CLCN5: variants seen among roughly 807,000 people sequenced by gnomAD.
CLCN5 encodes the protein Cl-/H+ antiporter 5.
Under a neutral mutation model 54.0 loss-of-function variants are expected in CLCN5, and 17 were observed. The ratio of observed to expected loss-of-function variants is 0.31; its 90% confidence interval spans 0.22 to 0.47. The LOEUF (loss-of-function observed/expected upper bound fraction) is 0.47, where lower values mean the gene tolerates loss of function less well. Among genes scored for constraint, CLCN5 ranks in the 20% least tolerant of loss-of-function variants. The pLI is 1.00. For missense variants in CLCN5, 448 were observed against 646.7 expected, an observed-to-expected ratio of 0.69 and a Z score of 3.33; for synonymous variants, 222 against 233.0, an observed-to-expected ratio of 0.95 and a Z score of 0.43.
chrX:50,058,109 T>C (rs1395268601), intron 4 of CLCN5, among the ~76,000 whole-genome samples: 3 of 111,887 alleles, frequency 2.7e-5, no homozygotes, highest in African/African-American at 9.7e-5. Context: ...AAAAATACAA[T>C]ATATCGCTGT....
chrX:49,999,392 T>C (rs1212684267), intron 3 of CLCN5, among the ~76,000 whole-genome samples: 2 of 109,451 alleles, frequency 1.8e-5, no homozygotes, highest in Non-Finnish European at 3.8e-5. Flanking sequence ...GCATGCATTA[T>C]TGGAGAGTGG....
chrX:50,079,728 C>G (rs1441906180), intron 7 of CLCN5, among the ~76,000 whole-genome samples: 1 of 111,124 alleles, frequency 9.0e-6, no homozygotes. Context: ...TATATGTGGA[C>G]TCTAAAAAAG....
intron 3 of CLCN5, among the ~76,000 whole-genome samples, chrX:50,034,600 T>C (rs1306512916): frequency 2.4e-4 from 27 of 111,425 alleles, no homozygotes; most frequent in Admixed American, 2.1e-3. Flanking sequence ...ATTTGTGGGG[T>C]CGTGTGTGTC....
At chrX:49,959,042 T>C (rs1356678606) in intron 3 of CLCN5, among the ~76,000 whole-genome samples, 2 of 111,281 alleles carry the variant, frequency 1.8e-5, no homozygotes, top group African/African-American at 6.6e-5. Context: ...ACTTCTCCTT[T>C]TTTTTTCTTC....
intron 3 of CLCN5, among the ~76,000 whole-genome samples, chrX:49,954,216 G>A (rs143326663): frequency 0.012 from 1,372 of 111,891 alleles, 16 homozygotes; most frequent in African/African-American, 0.042. Flanking sequence ...CCAAGGAGAT[G>A]TGCCTACCTG....
intron 3 of CLCN5, among the ~76,000 whole-genome samples, chrX:50,035,289 A>G (rs1557186396): frequency 9.0e-6 from 1 of 111,395 alleles, no homozygotes. Context: ...AACTCTTTTT[A>G]TCTCCCTAAT....
rs781939890 is a variant in CLCN5, at chrX:50,090,922, G to A, written c.2360+36G>A. On this transcript the variant is annotated intron_variant, in intron 14 of 14. Transcript: ENST00000376091. Reference sequence around the variant, plus strand: ...TTGAGTGAAGTCAAATTGAATTGTGGGAGAAAGAGAATGCAGAGATAGAAA... The same window carrying A: ...TTGAGTGAAGTCAAATTGAATTGTGAGAGAAAGAGAATGCAGAGATAGAAA... 5.5e-6 allele frequency: 6 copies of A among 1,084,475 alleles called. No individual in the cohort carries two copies. The African/African-American group carries it at 1.1e-4, about 20-fold the overall frequency. 89.4% of individuals were successfully genotyped at this position (1,084,475 alleles called of 1,213,427 possible).
chrX:50,081,521 C>T lies in CLCN5; in HGVS notation c.727-120C>T, dbSNP rs1199738925. 7 of 561,165 alleles carry T rather than the reference C, an allele frequency of 1.2e-5. No homozygotes were observed. The African/African-American group carries it at 1.6e-4, about 13-fold the overall frequency. The allele number at this position is 561,165 out of a possible 1,213,427, so 46.2% of individuals were successfully genotyped here. A position where few individuals can be genotyped will look rare whatever the true frequency, so the allele number is the denominator to read the frequency against. On this transcript the variant is annotated intron_variant, in intron 8 of 14. Transcript: ENST00000376091. ...CTTCCAAACAGGGATCACTGTAGGT[C>T]AAGCATTTATATGTCACTTATTCAA...
At chrX:50,030,419 G>C (rs1026426109) in intron 3 of CLCN5, among the ~76,000 whole-genome samples, 1 of 111,620 alleles carries the variant, frequency 9.0e-6, no homozygotes, top group Admixed American at 9.5e-5. Flanking sequence ...TAATTTATGA[G>C]TTCATATATT....
At chrX:50,004,388 G>A (rs989373893) in intron 3 of CLCN5, among the ~76,000 whole-genome samples, 7 of 110,990 alleles carry the variant, frequency 6.3e-5, no homozygotes, top group African/African-American at 2.3e-4. Flanking sequence ...GACAAGGAGT[G>A]GGTGGGGGTA....
At chrX:50,065,877 T>C (rs1252205420) in intron 4 of CLCN5, among the ~76,000 whole-genome samples, 2 of 99,651 alleles carry the variant, frequency 2.0e-5, no homozygotes, top group African/African-American at 7.6e-5. Context: ...ATGGATGAAA[T>C]TGGAAACCAT....
In CLCN5 at chrX:50,089,011, C is replaced by G. The variant is rs1334042561; in HGVS notation, c.1744+127C>G. 1.7e-5 allele frequency: 10 copies of G among 602,726 alleles called. No individual in the cohort carries two copies. In the African/African-American group the frequency reaches 1.8e-4, roughly 11 times the overall value. The allele number at this position is 602,726 out of a possible 1,213,427, so 49.7% of individuals were successfully genotyped here. A position where few individuals can be genotyped will look rare whatever the true frequency, so the allele number is the denominator to read the frequency against. On this transcript the variant is annotated intron_variant, in intron 12 of 14. Transcript: ENST00000376091. ...CTTTCCAGTTAGGTTTGCCATTTTC[C>G]AAGCACATTAAGAAAGCATCTGGTA...
intron 3 of CLCN5, among the ~76,000 whole-genome samples, chrX:49,929,958 T>A (rs1318179600): frequency 9.0e-6 from 1 of 110,828 alleles, no homozygotes; most frequent in African/African-American, 3.3e-5. Context: ...AAACCATAAA[T>A]AAAGTTAATG....
intron 4 of CLCN5, among the ~76,000 whole-genome samples, chrX:50,066,566 T>C (rs781921925): frequency 8.9e-6 from 1 of 112,227 alleles, no homozygotes; most frequent in African/African-American, 3.2e-5. Flanking sequence ...CCTTAGGGAA[T>C]CCTCCCAATT....
intron 3 of CLCN5, among the ~76,000 whole-genome samples, chrX:49,980,133 T>A (rs1443202570): frequency 9.0e-6 from 1 of 111,333 alleles, no homozygotes; most frequent in Non-Finnish European, 1.9e-5. Flanking sequence ...TGTCTATATA[T>A]GTCTCCCTTA....
At chrX:50,060,223 T>G (rs782606775) in intron 4 of CLCN5, among the ~76,000 whole-genome samples, 67 of 110,336 alleles carry the variant, frequency 6.1e-4, no homozygotes, top group African/African-American at 2.1e-3. Context: ...GACGGGTGAT[T>G]TCTGCATTTC....
chrX:49,966,614 T>TA (rs1569537539), intron 3 of CLCN5, among the ~76,000 whole-genome samples: 1 of 29,911 alleles, frequency 3.3e-5, no homozygotes, highest in Non-Finnish European at 5.2e-5. Context: ...TTTTTTTTAT[T>TA]TTTTTATTTT....
At chrX:49,971,807 G>A (rs1261982942) in intron 3 of CLCN5, among the ~76,000 whole-genome samples, 1 of 112,060 alleles carries the variant, frequency 8.9e-6, no homozygotes, top group Non-Finnish European at 1.9e-5. Context: ...TTTGTTGAAT[G>A]TATGTTTGCT....
intron 3 of CLCN5, among the ~76,000 whole-genome samples, chrX:49,933,154 C>A (rs1414625345): frequency 9.0e-6 from 1 of 111,505 alleles, no homozygotes; most frequent in African/African-American, 3.3e-5. Flanking sequence ...GCAGCCTCCA[C>A]CCCCAGCCCC....
Sources: allele counts gnomAD v4.1 joint callset (sites outside exome capture counted in the v4.1 genomes callset), GRCh38; gene constraint gnomAD v4.1.1; transcripts MANE v1.5; gene names NCBI Gene and HGNC (gene_info 2026-07-23, HGNC 2026-07-21).